ATXN8OS: variants seen among roughly 807,000 people sequenced by gnomAD.
ATXN8OS encodes ATXN8 opposite strand (non-protein coding).
chr13:70,115,883 G>A (rs1338469227), intron 2 of ATXN8OS, among the ~76,000 whole-genome samples: 1 of 151,934 alleles, frequency 6.6e-6, no homozygotes, highest in Non-Finnish European at 1.5e-5. Flanking sequence ...TATTTCTAAA[G>A]TACTATAAAA....
chr13:70,129,494 T>C (rs1179884484), intron 2 of ATXN8OS, among the ~76,000 whole-genome samples: 1 of 152,098 alleles, frequency 6.6e-6, no homozygotes, highest in Non-Finnish European at 1.5e-5. Flanking sequence ...ACTCCCTCTA[T>C]GCAGATATAC....
At chr13:70,134,940 C>A (rs1332054302) in intron 3 of ATXN8OS, among the ~76,000 whole-genome samples, 1 of 152,176 alleles carries the variant, frequency 6.6e-6, no homozygotes, top group Non-Finnish European at 1.5e-5. Context: ...AGGTGATAAG[C>A]CCAGCACAGG....
intron 4 of ATXN8OS, among the ~76,000 whole-genome samples, chr13:70,152,528 T>C (rs902790358): frequency 1.1e-4 from 16 of 152,042 alleles, no homozygotes; most frequent in African/African-American, 3.9e-4. Context: ...ATTGAAGTTA[T>C]TTGGGTCTCC....
In ATXN8OS at chr13:70,149,378, A is replaced by T. The variant is rs576017245; in HGVS notation, n.573+1950A>T. ...CATAGGATTGTAATAACATTAAATT[A>T]TGTATATATTTTTACTCTTCATTAA... On this transcript the variant is annotated intron_variant and non_coding_transcript_variant, in intron 4 of 4. Transcript: ENST00000678624. 2.7e-3 allele frequency among the ~76,000 whole-genome samples: 404 copies of T among 152,248 alleles called. 2 individuals are homozygous for T. Among genetic ancestry groups the T allele is most frequent in the Middle Eastern group, 3.4e-3 (1 of 294 alleles).
At chr13:70,137,735 T>C (rs2137488680) in intron 3 of ATXN8OS, among the ~76,000 whole-genome samples, 1 of 152,314 alleles carries the variant, frequency 6.6e-6, no homozygotes, top group South Asian at 2.1e-4. Flanking sequence ...ATAACTGCTG[T>C]GATATTTGCA....
At chr13:70,160,737 AT>A (rs1352705922) in intron 4 of ATXN8OS, among the ~76,000 whole-genome samples, 2 of 57,280 alleles carry the variant, frequency 3.5e-5, no homozygotes, top group Non-Finnish European at 1.0e-4. Flanking sequence ...TATTTATATA[AT>A]TTTTATATAT....
intron 3 of ATXN8OS, chr13:70,131,426 G>A (rs1260165653): frequency 2.5e-6 from 1 of 398,312 alleles, no homozygotes; most frequent in Non-Finnish European, 4.4e-6. Flanking sequence ...TATAGAACAG[G>A]TCTCTAACAG....
intron 2 of ATXN8OS, among the ~76,000 whole-genome samples, chr13:70,116,805 G>C (rs1240328967): frequency 6.6e-6 from 1 of 152,088 alleles, no homozygotes; most frequent in East Asian, 1.9e-4. Context: ...ATGTAAATGT[G>C]GACCAGACAT....
chr13:70,142,690 A>G (rs1386498721), intron 3 of ATXN8OS, among the ~76,000 whole-genome samples: 1 of 143,796 alleles, frequency 7.0e-6, no homozygotes, highest in Non-Finnish European at 1.5e-5. Flanking sequence ...TATATTCTGT[A>G]CCAGATTATC....
chr13:70,117,244 A>T (rs901715417), intron 2 of ATXN8OS, among the ~76,000 whole-genome samples: 1 of 152,046 alleles, frequency 6.6e-6, no homozygotes, highest in Non-Finnish European at 1.5e-5. Context: ...ACACATATGC[A>T]CACACAAAAG....
At chr13:70,147,811 G>A (rs1055096417) in intron 4 of ATXN8OS, among the ~76,000 whole-genome samples, 4 of 152,040 alleles carry the variant, frequency 2.6e-5, no homozygotes, top group Non-Finnish European at 4.4e-5. Context: ...ATACAGCCTC[G>A]GGAGGTTCTA....
chr13:70,151,322 A>G (rs1439204344), intron 4 of ATXN8OS, among the ~76,000 whole-genome samples: 1 of 152,110 alleles, frequency 6.6e-6, no homozygotes, highest in Non-Finnish European at 1.5e-5. Flanking sequence ...TCCCCCGGCA[A>G]CTGACATTCT....
intron 1 of ATXN8OS, among the ~76,000 whole-genome samples, chr13:70,111,543 G>A (rs1040442831): frequency 1.3e-5 from 2 of 152,028 alleles, no homozygotes; most frequent in Admixed American, 1.3e-4. Flanking sequence ...TAATTCTTGA[G>A]GTTCTGCCCT....
At chr13:70,152,482 TAC>T (rs930394643) in intron 4 of ATXN8OS, among the ~76,000 whole-genome samples, 1 of 151,954 alleles carries the variant, frequency 6.6e-6, no homozygotes, top group Non-Finnish European at 1.5e-5. Context: ...CACATATATA[TAC>T]ACACACGTGT....
chr13:70,143,735 T>C (rs1488183338), intron 3 of ATXN8OS, among the ~76,000 whole-genome samples: 1 of 152,154 alleles, frequency 6.6e-6, no homozygotes, highest in African/African-American at 2.4e-5. Flanking sequence ...TGGAACTCTA[T>C]GAAGATTTTT....
intron 4 of ATXN8OS, among the ~76,000 whole-genome samples, chr13:70,164,621 T>TTA (rs1889057755): frequency 6.6e-6 from 1 of 152,028 alleles, no homozygotes; most frequent in South Asian, 2.1e-4. Context: ...ATACAAATAA[T>TTA]TTATCACAAA....
intron 2 of ATXN8OS, among the ~76,000 whole-genome samples, chr13:70,127,911 G>A (rs138424144): frequency 2.3e-4 from 35 of 152,162 alleles, no homozygotes; most frequent in African/African-American, 7.7e-4. Context: ...TTAAGAGAAT[G>A]CGTGATAAAT....
At chr13:70,169,667 A>C (rs537918007) in intron 4 of ATXN8OS, among the ~76,000 whole-genome samples, 1 of 150,138 alleles carries the variant, frequency 6.7e-6, no homozygotes. Flanking sequence ...TTTGAGGGGC[A>C]ACACATCCAT....
chr13:70,131,578 A>T (rs745546519), intron 3 of ATXN8OS: 1 of 397,758 alleles, frequency 2.5e-6, no homozygotes, highest in African/African-American at 2.1e-5. Context: ...CTCCACATTA[A>T]ATACTTTTTA....
Sources: allele counts gnomAD v4.1 joint callset (sites outside exome capture counted in the v4.1 genomes callset), GRCh38; gene constraint gnomAD v4.1.1; transcripts MANE v1.5; gene names NCBI Gene and HGNC (gene_info 2026-07-23, HGNC 2026-07-21).